The following CAMK4 variants were observed in gnomAD, a reference collection of about 807,000 sequenced individuals.
CAMK4 encodes calcium/calmodulin dependent protein kinase IV.
Under a neutral mutation model 44.9 loss-of-function variants are expected in CAMK4, and 22 were observed. The ratio of observed to expected loss-of-function variants is 0.49; its 90% CI spans 0.35 to 0.70. The LOEUF (loss-of-function observed/expected upper bound fraction) is 0.70, where lower values mean the gene tolerates loss of function less well. CAMK4 is among the 30% of genes least tolerant of loss of function. The pLI, the probability that CAMK4 is intolerant of heterozygous loss-of-function variation, is 0.01. For missense variants in CAMK4, 498 were observed against 586.8 expected (o/e 0.85, Z 1.56); for synonymous variants, 218 against 215.4 (o/e 1.01, Z -0.11).
chr5:111,351,072 G>A (rs1009949385), intron 2 of CAMK4, among the ~76,000 whole-genome samples: 3 of 152,082 alleles, frequency 2.0e-5, no homozygotes, highest in African/African-American at 4.8e-5. Context: ...ATTACTTGAA[G>A]TTTTATATAT....
At chr5:111,415,544 C>T (rs1752785361) in intron 5 of CAMK4, among the ~76,000 whole-genome samples, 1 of 152,052 alleles carries the variant, frequency 6.6e-6, no homozygotes, top group African/African-American at 2.4e-5. Flanking sequence ...TATGTTCTAG[C>T]CACAAAATTA....
At chr5:111,295,339 G>A (rs148781300) in intron 1 of CAMK4, among the ~76,000 whole-genome samples, 1 of 152,188 alleles carries the variant, frequency 6.6e-6, no homozygotes, top group South Asian at 2.1e-4. Flanking sequence ...TTTAGATGCA[G>A]CACCATGCTC....
intron 1 of CAMK4, among the ~76,000 whole-genome samples, chr5:111,336,540 T>C (rs1749413329): frequency 6.6e-6 from 1 of 151,140 alleles, no homozygotes. Context: ...TAGCTTACTC[T>C]TTCTTGCCTT....
chr5:111,329,980 A>T (rs370069477), intron 1 of CAMK4, among the ~76,000 whole-genome samples: 19 of 151,670 alleles, frequency 1.3e-4, no homozygotes, highest in Admixed American at 7.9e-4. Context: ...ATTATATTTG[A>T]GGTCCAAGCT....
At chr5:111,480,249 A>AACACACACAC (rs532395570) in intron 9 of CAMK4, among the ~76,000 whole-genome samples, 9,042 of 121,146 alleles carry the variant, frequency 0.075, 432 homozygotes, top group Middle Eastern at 0.1. Context: ...TAGGCATGTA[A>AACACACACAC]ACACACACAC....
chr5:111,282,056 C>CAAAAA (rs58617977), intron 1 of CAMK4, among the ~76,000 whole-genome samples: 2 of 112,498 alleles, frequency 1.8e-5, no homozygotes, highest in African/African-American at 3.1e-5. Flanking sequence ...GACTCCGTCT[C>CAAAAA]AAAAAAAAAA....
chr5:111,330,134 A>G (rs1245297258), intron 1 of CAMK4, among the ~76,000 whole-genome samples: 1 of 147,082 alleles, frequency 6.8e-6, no homozygotes, highest in Non-Finnish European at 1.5e-5. Context: ...CTAGAAGACT[A>G]GTAAGTTAAT....
intron 9 of CAMK4, among the ~76,000 whole-genome samples, chr5:111,481,381 A>G (rs1208227577): frequency 6.6e-6 from 1 of 152,196 alleles, no homozygotes; most frequent in Non-Finnish European, 1.5e-5. Flanking sequence ...TCTTTCTCTT[A>G]ACCATCCTAC....
rs868124724 is a variant in CAMK4 at position 111,492,042 on chromosome 5, C to T, written c.*7576C>T. On this transcript the variant is annotated 3_prime_UTR_variant, in exon 11 of 11. Coordinates refer to ENST00000282356, the MANE Select transcript of CAMK4 (RefSeq NM_001744.6). ...AGAGAGGGCCTTGAGTAAATGCTTT[C>T]GTTTGCTTTCCTTACATATTTAGAA... 3 of 152,024 alleles carry T rather than the reference C, an allele frequency of 2.0e-5. No individual in the cohort carries two copies. The highest frequency in any genetic ancestry group is 1.5e-5 in the Non-Finnish European group (1 of 67,988). 9.4% of individuals were successfully genotyped at this position (152,024 alleles called of 1,614,324 possible). A position where few individuals can be genotyped will look rare whatever the true frequency, so the allele number is the denominator to read the frequency against.
intron 7 of CAMK4, among the ~76,000 whole-genome samples, chr5:111,455,164 A>C (rs1182531561): frequency 6.6e-6 from 1 of 152,240 alleles, no homozygotes; most frequent in Non-Finnish European, 1.5e-5. Flanking sequence ...ATTTAAGCCA[A>C]AATGAAGGCT....
intron 5 of CAMK4, among the ~76,000 whole-genome samples, chr5:111,434,195 A>C (rs1014070573): frequency 1.5e-4 from 23 of 151,778 alleles, no homozygotes; most frequent in Admixed American, 3.3e-4. Context: ...CGGAAGGCTG[A>C]GGCAGGAGAA....
intron 1 of CAMK4, among the ~76,000 whole-genome samples, chr5:111,334,010 G>C (rs1749289111): frequency 6.6e-6 from 1 of 151,482 alleles, no homozygotes; most frequent in African/African-American, 2.4e-5. Context: ...GCTTACGCTT[G>C]CTTTCTGCAG....
intron 1 of CAMK4, among the ~76,000 whole-genome samples, chr5:111,338,952 A>G (rs1749527023): frequency 6.6e-6 from 1 of 151,460 alleles, no homozygotes; most frequent in South Asian, 2.1e-4. Flanking sequence ...TTTTGAATGC[A>G]TATGAATTTT....
At chr5:111,255,635 G>A (rs958442596) in intron 1 of CAMK4, among the ~76,000 whole-genome samples, 5 of 152,204 alleles carry the variant, frequency 3.3e-5, no homozygotes, top group East Asian at 1.9e-4. Flanking sequence ...AGCCTGTCTC[G>A]GGAATGGAAA....
intron 1 of CAMK4, among the ~76,000 whole-genome samples, chr5:111,297,059 G>A (rs2112637539): frequency 6.6e-6 from 1 of 152,254 alleles, no homozygotes; most frequent in South Asian, 2.1e-4. Flanking sequence ...GAATGGTGGA[G>A]GATCCACCTT....
intron 1 of CAMK4, among the ~76,000 whole-genome samples, chr5:111,342,943 AAC>A (rs1375134981): frequency 1.2e-4 from 18 of 151,742 alleles, no homozygotes; most frequent in Non-Finnish European, 2.4e-4. Flanking sequence ...ACATGCTAGA[AAC>A]ACAATGCATT....
chr5:111,345,886 C>T (rs1186989293), intron 2 of CAMK4, among the ~76,000 whole-genome samples: 1 of 151,900 alleles, frequency 6.6e-6, no homozygotes, highest in Non-Finnish European at 1.5e-5. Flanking sequence ...AGCATGTGAA[C>T]GAGAATGAAG....
intron 5 of CAMK4, among the ~76,000 whole-genome samples, chr5:111,432,980 G>T (rs1371023274): frequency 6.6e-6 from 1 of 152,094 alleles, no homozygotes; most frequent in Non-Finnish European, 1.5e-5. Flanking sequence ...CAAATATGAT[G>T]ACAGCATTAA....
chr5:111,274,429 A>G (rs1750670241), intron 1 of CAMK4, among the ~76,000 whole-genome samples: 1 of 152,164 alleles, frequency 6.6e-6, no homozygotes, highest in Non-Finnish European at 1.5e-5. Context: ...ATGGCACATA[A>G]TTGGTGTTCA....
Sources: allele counts gnomAD v4.1 joint callset (sites outside exome capture counted in the v4.1 genomes callset), GRCh38; gene constraint gnomAD v4.1.1; transcripts MANE v1.5; gene names NCBI Gene and HGNC (gene_info 2026-07-23, HGNC 2026-07-21).